Variants in TTLL1 observed in about 807,000 individuals in gnomAD.
TTLL1 encodes the protein TTL family tubulin polyglutamylase complex subunit L1, also known as polyglutamylase complex subunit TTLL1.
Under a neutral mutation model 47.8 loss-of-function variants are expected in TTLL1, and 33 were observed. The ratio of observed to expected loss-of-function variants is 0.69; its 90% CI spans 0.52 to 0.92. The LOEUF (loss-of-function observed/expected upper bound fraction) is 0.92. TTLL1 is among the 40% of genes least tolerant of loss of function. The pLI is 0.00. For synonymous variants in TTLL1, 225 were observed against 214.1 expected (o/e 1.05, Z -0.45); for missense variants, 488 against 547.5 (o/e 0.89, Z 1.08).
At position 43,075,535 on chromosome 22, in the gene TTLL1, TG is replaced by T; in HGVS notation, c.51del (p.Asn18IlefsTer11). ...WVTDIEKSVL[I>X]NNFEKRGWVQ... ...ACCCATCCTCTCTTTTCAAAGTTAT[TG>T]ATCAGCACTGACTTCTCGATATCAG... On this transcript the variant is annotated frameshift_variant, in exon 3 of 11. Transcript: ENST00000266254. LOFTEE classifies it high-confidence loss of function. 6.2e-7 allele frequency: 1 copy of T among 1,614,218 alleles called. No individual in the cohort carries two copies. Among genetic ancestry groups the T allele is most frequent in the Non-Finnish European group, 8.5e-7 (1 of 1,180,034 alleles).
intron 1 of TTLL1, among the ~76,000 whole-genome samples, chr22:43,087,523 CAAAA>C (rs888525930): frequency 3.6e-5 from 3 of 83,602 alleles, no homozygotes; most frequent in Admixed American, 1.4e-4. Flanking sequence ...GACTCCATCT[CAAAA>C]AAAAAAAAAA....
At chr22:43,040,052 C>G in intron 10 of TTLL1, 147 bp from the exon 11 acceptor site, 3 of 1,064,984 alleles carry the variant, frequency 2.8e-6, no homozygotes, top group Non-Finnish European at 2.7e-6. Flanking sequence ...GGCTCCCGCC[C>G]ACCTCCCACC....
intron 9 of TTLL1, among the ~76,000 whole-genome samples, chr22:43,050,199 C>A (rs527260635): frequency 6.6e-6 from 1 of 151,924 alleles, no homozygotes. Flanking sequence ...GGGCAGATCA[C>A]GAGGTCAGGA....
intron 7 of TTLL1, 44 bp from the exon 8 acceptor site, chr22:43,059,571 C>A: frequency 6.4e-7 from 1 of 1,574,168 alleles, no homozygotes; most frequent in Non-Finnish European, 8.6e-7. Flanking sequence ...GCTATGCACC[C>A]CAGAGGAACC....
At chr22:43,060,975 C>G (rs1927352288) in intron 7 of TTLL1, among the ~76,000 whole-genome samples, 1 of 152,154 alleles carries the variant, frequency 6.6e-6, no homozygotes, top group Admixed American at 6.6e-5. Context: ...GTGAGAGGAT[C>G]ACCTGAGGTC....
In TTLL1 at chr22:43,063,939, T is replaced by C. The variant is rs1927559349; in HGVS notation, c.639-18A>G. 1.2e-6 allele frequency: 2 copies of C among 1,610,022 alleles called. No homozygotes were observed. The highest frequency in any genetic ancestry group is 1.6e-4 in the Middle Eastern group (1 of 6,072). Reference sequence around the variant, plus strand: ...GCTTGTACCTAGGAGGGAATGTAGATTAATTCAAACTCTGAGGAGAAACAA... The same window carrying C: ...GCTTGTACCTAGGAGGGAATGTAGACTAATTCAAACTCTGAGGAGAAACAA... On this transcript the variant is annotated intron_variant, in intron 6 of 10. Coordinates refer to ENST00000266254, the MANE Select transcript of TTLL1 (RefSeq NM_012263.5).
chr22:43,077,779 G>C (rs1477692014), intron 2 of TTLL1, among the ~76,000 whole-genome samples: 1 of 152,118 alleles, frequency 6.6e-6, no homozygotes, highest in East Asian at 1.9e-4. Context: ...CACACCACAG[G>C]CATCTGGCCT....
At chr22:43,056,147 G>A (rs1392580167) in intron 8 of TTLL1, among the ~76,000 whole-genome samples, 1 of 151,572 alleles carries the variant, frequency 6.6e-6, no homozygotes, top group Non-Finnish European at 1.5e-5. Flanking sequence ...GGATCACGAG[G>A]TCAAGAGATG....
rs898251556 is a variant in TTLL1, at chr22:43,059,478, C to T, written c.797G>A (p.Arg266Gln). The change falls in exon 8 of 11, where the codon CGG becomes CAG. Residue 266 changes from arginine (R) to glutamine (Q), a missense_variant. By Grantham distance (43) the Arg-to-Gln change is conservative (BLOSUM62 1). Coordinates refer to ENST00000266254, the MANE Select transcript of TTLL1 (RefSeq NM_012263.5). Reference protein sequence around the residue: ...HGGKWTVSNLRLYLESTRGKE... With the variant: ...HGGKWTVSNLQLYLESTRGKE... ...GCCGCGGGTGCTCTCCAGGTAGAGC[C>T]GCAGGTTACTCACTGTCCACTTGCC... 11 of 1,613,912 alleles carry T rather than the reference C, an allele frequency of 6.8e-6. No individual in the cohort carries two copies. Among genetic ancestry groups the T allele is most frequent in the Admixed American group, 3.3e-5 (2 of 59,956 alleles).
intron 1 of TTLL1, among the ~76,000 whole-genome samples, chr22:43,080,902 C>CTTTTTCTTTTTTTTTTT (rs1928833866): frequency 2.9e-5 from 2 of 69,284 alleles, no homozygotes; most frequent in Non-Finnish European, 5.3e-5. Context: ...TGTTGCATGA[C>CTTTTTCTTTTTTTTTTT]TTTTTTTTTT....
intron 3 of TTLL1, 49 bp downstream of exon 3, chr22:43,075,425 C>G: frequency 6.7e-7 from 1 of 1,502,744 alleles, no homozygotes; most frequent in South Asian, 1.1e-5. Flanking sequence ...TTAGTAAAAC[C>G]GATACGTAAG....
chr22:43,041,050 C>A (rs1249712086), intron 10 of TTLL1, among the ~76,000 whole-genome samples: 1 of 152,168 alleles, frequency 6.6e-6, no homozygotes, highest in Admixed American at 6.5e-5. Context: ...CTGACATTAT[C>A]CTCCCAACTC....
chr22:43,042,945 T>C (rs534975362), intron 10 of TTLL1, among the ~76,000 whole-genome samples: 9 of 149,904 alleles, frequency 6.0e-5, no homozygotes, highest in Admixed American at 6.6e-5. Flanking sequence ...TTTCTTTTTT[T>C]TTTTTTTTTT....
At chr22:43,068,240 C>G (rs1197221208) in intron 5 of TTLL1, among the ~76,000 whole-genome samples, 170 bp downstream of exon 5, 1 of 151,832 alleles carries the variant, frequency 6.6e-6, no homozygotes, top group Non-Finnish European at 1.5e-5. Flanking sequence ...TCGCTTGAAC[C>G]CAGAAGGCGG....
intron 10 of TTLL1, among the ~76,000 whole-genome samples, chr22:43,044,095 C>A (rs1332160322): frequency 6.6e-6 from 1 of 152,106 alleles, no homozygotes. Flanking sequence ...AACAACCCTC[C>A]TCCCCGAGAG....
intron 10 of TTLL1, among the ~76,000 whole-genome samples, chr22:43,044,865 CT>C (rs61161449): frequency 0.038 from 5,434 of 143,130 alleles, 296 homozygotes; most frequent in African/African-American, 0.12. Flanking sequence ...TGGGTCAATC[CT>C]TTTTTTTTTT....
chr22:43,068,535 C>T lies in TTLL1; in HGVS notation c.378G>A (p.Glu126=). ...AGGTGCTGGACGGGCTCTTCCGGAA[C>T]TCCTCTACAAACAGGTTGTAGTCAG... ...LPADYNLFVE[E]FRKSPSSTWI... The change falls in exon 5 of 11, where the codon GAG becomes GAA. Residue 126 remains glutamate (E), a synonymous_variant. Coordinates refer to ENST00000266254, the MANE Select transcript of TTLL1 (RefSeq NM_012263.5). 6.4e-7 allele frequency: 1 copy of T among 1,567,458 alleles called. No individual in the cohort carries two copies. The highest frequency in any genetic ancestry group is 1.2e-5 in the South Asian group (1 of 86,076).
intron 1 of TTLL1, among the ~76,000 whole-genome samples, chr22:43,087,837 CAAAA>C (rs134988): frequency 7.9e-5 from 5 of 62,964 alleles, no homozygotes; most frequent in African/African-American, 2.8e-4. Flanking sequence ...GAGACGGTCT[CAAAA>C]AAAAAAAAAA....
intron 10 of TTLL1, among the ~76,000 whole-genome samples, chr22:43,041,728 C>T (rs112053171): frequency 0.019 from 2,964 of 152,140 alleles, 85 homozygotes; most frequent in African/African-American, 0.065. Context: ...GTTGCCCAGA[C>T]TGGCCTCGAA....
Sources: allele counts gnomAD v4.1 joint callset (sites outside exome capture counted in the v4.1 genomes callset), GRCh38; gene constraint gnomAD v4.1.1; transcripts MANE v1.5; gene names NCBI Gene and HGNC (gene_info 2026-07-23, HGNC 2026-07-21).